The following RFWD3 variants were observed in gnomAD, a reference collection of about 807,000 sequenced individuals.
RFWD3 encodes ring finger and WD repeat domain 3.
A neutral mutation model predicts 87.7 loss-of-function variants in RFWD3; 65 were observed. The observed-to-expected ratio is 0.74, with a 90% CI of 0.61 to 0.91. RFWD3 has a LOEUF of 0.91. Among genes scored for constraint, RFWD3 ranks in the 40% least tolerant of loss-of-function variants. The pLI is 0.00. For missense variants in RFWD3, 1,078 were observed against 938.5 expected (o/e 1.15, Z -1.94); for synonymous variants, 433 against 352.8 (o/e 1.23, Z -2.55).
chr16:74,656,026 A>G (rs188045084), intron 2 of RFWD3, among the ~76,000 whole-genome samples: 3 of 152,334 alleles, frequency 2.0e-5, no homozygotes, highest in African/African-American at 2.4e-5. Context: ...GTCTGTTAAT[A>G]TAACATATTC....
chr16:74,652,291 C>T (rs1255930052), intron 2 of RFWD3, among the ~76,000 whole-genome samples, 169 bp from the exon 3 acceptor site: 1 of 151,754 alleles, frequency 6.6e-6, no homozygotes, highest in African/African-American at 2.4e-5. Context: ...GACTGGCCTC[C>T]TAGATATTAT....
At chr16:74,651,840 C>A in intron 3 of RFWD3, 80 bp downstream of exon 3, 1 of 1,280,332 alleles carries the variant, frequency 7.8e-7, no homozygotes, top group Non-Finnish European at 1.1e-6. Context: ...TGTCAAAGCA[C>A]AAATCTAGTT....
intron 10 of RFWD3, among the ~76,000 whole-genome samples, chr16:74,630,142 C>G (rs975372831): frequency 6.6e-6 from 1 of 151,910 alleles, no homozygotes; most frequent in African/African-American, 2.4e-5. Flanking sequence ...GTTGCCCAGA[C>G]TGGAGTGCAA....
Position 74,649,157 on chromosome 16 carries a change from T to A in RFWD3, c.767A>T (p.Asp256Val). Residue 256 changes from aspartate (D) to valine (V), a missense_variant, in exon 4 of 13, where the codon GAT (aspartate) becomes GTT (valine). Coordinates refer to ENST00000361070, the MANE Select transcript of RFWD3 (RefSeq NM_018124.4). ...CTGTTTGGGGAGGGTCTTGCCTCCA[T>A]CGATACATGTAACTTCTTGCTCTGC... is the stretch of plus-strand genomic sequence containing the variant. Reference protein sequence around the residue: ...VSAEQEVTCIDGGKTLPKQPS... With the variant: ...VSAEQEVTCIVGGKTLPKQPS... 1 of 1,572,536 alleles carries A rather than the reference T, an allele frequency of 6.4e-7. No homozygotes were observed. Among genetic ancestry groups the A allele is most frequent in the Non-Finnish European group, 8.6e-7 (1 of 1,166,718 alleles).
chr16:74,649,392 T>C, intron 3 of RFWD3, 190 bp from the exon 4 acceptor site: 1 of 455,776 alleles, frequency 2.2e-6, no homozygotes, highest in Non-Finnish European at 3.9e-6. Flanking sequence ...TTAGTTTGAA[T>C]ATTCTCAAAC....
chr16:74,646,126 G>A (rs1597439685), intron 4 of RFWD3, among the ~76,000 whole-genome samples: 2 of 152,148 alleles, frequency 1.3e-5, no homozygotes, highest in Non-Finnish European at 2.9e-5. Flanking sequence ...TACAGTCCCA[G>A]CTTATTGGGA....
intron 1 of RFWD3, among the ~76,000 whole-genome samples, chr16:74,663,325 G>A (rs1365930779): frequency 2.0e-5 from 3 of 152,150 alleles, no homozygotes; most frequent in Non-Finnish European, 4.4e-5. Context: ...AGTAAAAGAA[G>A]CCAGTTAAGG....
intron 1 of RFWD3, 23 bp from the exon 2 acceptor site, chr16:74,661,474 A>C: frequency 6.4e-7 from 1 of 1,552,590 alleles, no homozygotes; most frequent in Non-Finnish European, 8.7e-7. Context: ...TATTTGTAAA[A>C]AGTATTAATA....
intron 6 of RFWD3, among the ~76,000 whole-genome samples, chr16:74,638,444 T>C (rs975595845): frequency 2.0e-5 from 3 of 152,080 alleles, no homozygotes; most frequent in Non-Finnish European, 4.4e-5. Context: ...AAAGCATAAA[T>C]AGGCATAACG....
intron 2 of RFWD3, among the ~76,000 whole-genome samples, chr16:74,652,931 T>C (rs1960674785): frequency 6.6e-6 from 1 of 152,172 alleles, no homozygotes; most frequent in East Asian, 1.9e-4. Flanking sequence ...TCCACCCACC[T>C]TGGCCTCCCA....
At chr16:74,635,709 T>C (rs1472709544) in intron 8 of RFWD3, among the ~76,000 whole-genome samples, 1 of 152,230 alleles carries the variant, frequency 6.6e-6, no homozygotes, top group East Asian at 1.9e-4. Flanking sequence ...AGGAACATTA[T>C]ATAACCATGC....
chr16:74,662,907 C>CTT (rs796872698), intron 1 of RFWD3, among the ~76,000 whole-genome samples: 7 of 137,964 alleles, frequency 5.1e-5, no homozygotes, highest in African/African-American at 8.4e-5. Context: ...GGTCATGCTT[C>CTT]TTTTTTTTTT....
intron 4 of RFWD3, among the ~76,000 whole-genome samples, chr16:74,646,179 A>T (rs1408385919): frequency 6.6e-6 from 1 of 151,514 alleles, no homozygotes; most frequent in Non-Finnish European, 1.5e-5. Flanking sequence ...GTTTGAAACC[A>T]GACTGGACAA....
chr16:74,622,403 T>C lies in RFWD3; in HGVS notation c.*1525A>G, dbSNP rs112411226. 10 of 152,128 alleles carry C rather than the reference T, an allele frequency of 6.6e-5. No individual in the cohort carries two copies. The highest frequency in any genetic ancestry group is 2.2e-4 in the African/African-American group (9 of 41,434). 9.4% of individuals were successfully genotyped at this position (152,128 alleles called of 1,614,324 possible). A position where few individuals can be genotyped will look rare whatever the true frequency, so the allele number is the denominator to read the frequency against. On this transcript the variant is annotated 3_prime_UTR_variant, in exon 13 of 13. Transcript: ENST00000361070. Reference sequence around the variant, plus strand: ...ACTTTAGGAGGCTGAGGTGGGAGGATTGCTTGAGGCCAGGAGTCCAAGACC... The same window carrying C: ...ACTTTAGGAGGCTGAGGTGGGAGGACTGCTTGAGGCCAGGAGTCCAAGACC...
At position 74,637,865 on chromosome 16, in the gene RFWD3, C is replaced by A. The variant is rs1959279662; in HGVS notation, c.1185G>T (p.Arg395Ser). ...VLTDKCTRLQ[R>S]RVQDLQKLTS... ...GAAAGGACAAACGTACCTGAACACG[C>A]CTTTGAAGCCTAGTGCACTTATCAG... Residue 395 changes from arginine (R) to serine (S), a missense_variant, in exon 7 of 13, where the codon AGG (arginine) becomes AGT (serine). Arg to Ser is a moderately radical substitution (Grantham distance 110). Coordinates refer to ENST00000361070, the MANE Select transcript of RFWD3 (RefSeq NM_018124.4). 1 of 1,611,900 alleles carries A rather than the reference C, an allele frequency of 6.2e-7. No homozygotes were observed. The highest frequency in any genetic ancestry group is 8.5e-7 in the Non-Finnish European group (1 of 1,179,002).
Position 74,632,674 on chromosome 16 carries a change from C to G in RFWD3, c.1427-1G>C. On this transcript the variant is annotated splice_acceptor_variant, in intron 8 of 12. Coordinates refer to ENST00000361070, the MANE Select transcript of RFWD3 (RefSeq NM_018124.4). LOFTEE classifies it high-confidence loss of function. The stretch of plus-strand genomic sequence containing the variant: ...GTACTCAACATCTTAACACCAAAGC[C>G]TGAAAAAGGCAAAATAGTATGAAAT... The G allele has an allele frequency of 6.2e-7, 1 of 1,613,780 alleles. No individual in the cohort carries two copies.
rs749804490 is a variant in RFWD3, at chr16:74,630,865, G to A, written c.1670C>T (p.Ala557Val). Residue 557 changes from alanine to valine, a missense_variant, in exon 10 of 13, where the codon GCT (alanine) becomes GTT (valine). By Grantham distance (64) the Ala-to-Val change is moderately conservative. Transcript: ENST00000361070. The stretch of plus-strand genomic sequence containing the variant: ...CAGAATTGAACCATTGGCCAGTCCA[G>A]CATAGATGTAGTTAGCCTCATCAAG... ...WCLDEANYIY[A>V]GLANGSILVY... 1.2e-6 allele frequency: 2 copies of A among 1,614,018 alleles called. No individual in the cohort carries two copies. Among genetic ancestry groups the A allele is most frequent in the East Asian group, 2.2e-5 (1 of 44,856 alleles).
At chr16:74,647,418 G>C (rs1960235102) in intron 4 of RFWD3, among the ~76,000 whole-genome samples, 1 of 152,028 alleles carries the variant, frequency 6.6e-6, no homozygotes, top group African/African-American at 2.4e-5. Context: ...TTCCCGAGTA[G>C]CTGGGACTAT....
intron 1 of RFWD3, chr16:74,665,284 C>T (rs986827163): frequency 6.6e-6 from 1 of 152,236 alleles, no homozygotes; most frequent in Admixed American, 6.6e-5. Flanking sequence ...CCCATCTCTA[C>T]CAAAAAAGAA....
Sources: allele counts gnomAD v4.1 joint callset (sites outside exome capture counted in the v4.1 genomes callset), GRCh38; gene constraint gnomAD v4.1.1; transcripts MANE v1.5; gene names NCBI Gene and HGNC (gene_info 2026-07-23, HGNC 2026-07-21).